CCDC68: variants seen among roughly 807,000 people sequenced by gnomAD.
The protein encoded by CCDC68 is coiled-coil domain containing 68.
Under a neutral mutation model 47.1 loss-of-function variants are expected in CCDC68, and 45 were observed. The observed-to-expected ratio is 0.96, with a 90% CI of 0.75 to 1.23. The LOEUF is 1.23. Among genes scored for constraint, CCDC68 ranks in the 50% most tolerant of loss-of-function variants. The pLI, the probability that CCDC68 is intolerant of heterozygous loss-of-function variation, is 0.00. For synonymous variants in CCDC68, 131 were observed against 129.5 expected, an observed-to-expected ratio of 1.01 and a Z score of -0.08; for missense variants, 353 against 373.6, an observed-to-expected ratio of 0.94 and a Z score of 0.45.
At chr18:54,943,878 G>A (rs72930923) in intron 2 of CCDC68, among the ~76,000 whole-genome samples, 26,506 of 152,024 alleles carry the variant, frequency 0.17, 2,858 homozygotes, top group East Asian at 0.32. Flanking sequence ...CGGTGAAGTC[G>A]GGCATGGTGG....
At chr18:54,923,172 T>C (rs1014419751) in intron 8 of CCDC68, among the ~76,000 whole-genome samples, 3 of 152,080 alleles carry the variant, frequency 2.0e-5, no homozygotes, top group Non-Finnish European at 2.9e-5. Flanking sequence ...CAGGAAGTAA[T>C]GAGAAAGAGC....
intron 6 of CCDC68, 108 bp downstream of exon 6, chr18:54,936,725 A>G: frequency 7.3e-7 from 1 of 1,370,718 alleles, no homozygotes; most frequent in Non-Finnish European, 1.0e-6. Context: ...GTCTTTTGCC[A>G]AGTCACTTGG....
At chr18:54,942,578 A>G (rs1056175653) in intron 3 of CCDC68, 97 bp downstream of exon 3, 2 of 698,130 alleles carry the variant, frequency 2.9e-6, no homozygotes, top group Non-Finnish European at 4.8e-6. Context: ...GTTCCTTTAC[A>G]TATGTTCTAT....
intron 10 of CCDC68, among the ~76,000 whole-genome samples, chr18:54,914,982 T>A (rs373769063): frequency 7.2e-5 from 11 of 152,230 alleles, no homozygotes; most frequent in African/African-American, 2.6e-4. Flanking sequence ...TAGGCACAAC[T>A]AAAGAACACA....
At chr18:54,930,692 C>G (rs1424371647) in intron 7 of CCDC68, among the ~76,000 whole-genome samples, 1 of 98,002 alleles carries the variant, frequency 1.0e-5, no homozygotes, top group African/African-American at 4.2e-5. Context: ...CCCTCCCTCC[C>G]TCCCTCTCTC....
intron 11 of CCDC68, 29 bp from the exon 12 acceptor site, chr18:54,904,444 A>G: frequency 6.3e-7 from 1 of 1,580,522 alleles, no homozygotes; most frequent in Non-Finnish European, 8.7e-7. Context: ...GATGATCAAA[A>G]TGGAGAATGT....
At chr18:54,952,493 T>C (rs910188654) in intron 1 of CCDC68, among the ~76,000 whole-genome samples, 2 of 152,244 alleles carry the variant, frequency 1.3e-5, no homozygotes, top group African/African-American at 2.4e-5. Context: ...TTGGAACTCC[T>C]GTCTGTTGCT....
intron 8 of CCDC68, among the ~76,000 whole-genome samples, chr18:54,920,350 T>G (rs1296313178): frequency 6.6e-6 from 1 of 151,746 alleles, no homozygotes; most frequent in African/African-American, 2.4e-5. Flanking sequence ...CCACCACTTC[T>G]GGGCTCAAGA....
intron 10 of CCDC68, among the ~76,000 whole-genome samples, chr18:54,913,342 T>A (rs1394537834): frequency 6.6e-6 from 1 of 152,240 alleles, no homozygotes; most frequent in African/African-American, 2.4e-5. Context: ...TTGTTCAAGC[T>A]CTGATGATCA....
chr18:54,949,034 C>T (rs1158913857), intron 1 of CCDC68, among the ~76,000 whole-genome samples: 1 of 152,146 alleles, frequency 6.6e-6, no homozygotes, highest in African/African-American at 2.4e-5. Flanking sequence ...CACTCTCTTG[C>T]CCAGGTTTGA....
chr18:54,914,489 G>A (rs970353361), intron 10 of CCDC68, among the ~76,000 whole-genome samples: 2 of 151,948 alleles, frequency 1.3e-5, no homozygotes, highest in Admixed American at 1.3e-4. Flanking sequence ...GTGGCGGTGG[G>A]CACTTGTAAT....
At chr18:54,921,124 T>A (rs187612802) in intron 8 of CCDC68, among the ~76,000 whole-genome samples, 2 of 152,296 alleles carry the variant, frequency 1.3e-5, no homozygotes, top group Non-Finnish European at 2.9e-5. Context: ...CAATTCCACT[T>A]ATAAGTGGGA....
chr18:54,930,615 C>T (rs2044225936), intron 7 of CCDC68, among the ~76,000 whole-genome samples: 1 of 53,794 alleles, frequency 1.9e-5, no homozygotes. Context: ...TCCTTCCTTC[C>T]CTTCCCTTCC....
intron 1 of CCDC68, among the ~76,000 whole-genome samples, chr18:54,950,782 T>G (rs555754084): frequency 1.2e-4 from 9 of 72,230 alleles, no homozygotes; most frequent in Middle Eastern, 6.0e-3. Context: ...TGTTATTATC[T>G]TCAGTGTATA....
At chr18:54,940,341 A>C (rs1253930357) in intron 4 of CCDC68, among the ~76,000 whole-genome samples, 1 of 152,152 alleles carries the variant, frequency 6.6e-6, no homozygotes, top group Non-Finnish European at 1.5e-5. Flanking sequence ...TCCTAAACAT[A>C]ACCTTGTTTT....
chr18:54,921,148 C>A (rs1167033692), intron 8 of CCDC68, among the ~76,000 whole-genome samples: 1 of 152,000 alleles, frequency 6.6e-6, no homozygotes, highest in Non-Finnish European at 1.5e-5. Context: ...AAACACTGGG[C>A]AAACACAAAC....
chr18:54,930,649 C>T (rs1403138985), intron 7 of CCDC68, among the ~76,000 whole-genome samples: 231 of 21,830 alleles, frequency 0.011, 9 homozygotes, highest in South Asian at 0.031. Flanking sequence ...CTCCCTCCCT[C>T]CCTCCCTTCC....
At chr18:54,950,558 T>G (rs925410347) in intron 1 of CCDC68, among the ~76,000 whole-genome samples, 1 of 152,218 alleles carries the variant, frequency 6.6e-6, no homozygotes, top group African/African-American at 2.4e-5. Context: ...CAGAATTAAT[T>G]TTATTCAACT....
chr18:54,933,894 AT>A (rs1259538801), intron 7 of CCDC68, among the ~76,000 whole-genome samples: 1 of 152,236 alleles, frequency 6.6e-6, no homozygotes, highest in Non-Finnish European at 1.5e-5. Flanking sequence ...CTTGGGAAAC[AT>A]TTTTAAACAA....
Sources: allele counts gnomAD v4.1 joint callset (sites outside exome capture counted in the v4.1 genomes callset), GRCh38; gene constraint gnomAD v4.1.1; transcripts MANE v1.5; gene names NCBI Gene and HGNC (gene_info 2026-07-23, HGNC 2026-07-21).